Variants in UBL3 observed in about 807,000 individuals in gnomAD.
UBL3 encodes ubiquitin-like protein 3.
In UBL3, 6 loss-of-function variants were observed where a neutral mutation model predicts 18.4. The observed-to-expected ratio is 0.33, with a 90% CI of 0.18 to 0.64. The LOEUF is 0.64. Ranked by LOEUF, UBL3 falls within the 30% of genes least tolerant of loss-of-function variation. The probability of loss-of-function intolerance (pLI) is 0.76; values close to 1 mark genes in which losing one functional copy is unlikely to be tolerated. For synonymous variants in UBL3, 49 were observed against 46.6 expected (o/e 1.05, Z -0.21); for missense variants, 109 against 142.9 (o/e 0.76, Z 1.21).
chr13:29,780,803 G>A (rs1877134998), intron 1 of UBL3, among the ~76,000 whole-genome samples: 1 of 152,050 alleles, frequency 6.6e-6, no homozygotes, highest in Non-Finnish European at 1.5e-5. Flanking sequence ...CTCTCTTGCT[G>A]CCAAAATGTT....
intron 1 of UBL3, among the ~76,000 whole-genome samples, chr13:29,825,175 G>A (rs141646290): frequency 2.0e-4 from 31 of 152,292 alleles, no homozygotes; most frequent in Admixed American, 7.2e-4. Flanking sequence ...GCTTAGGATT[G>A]TCTTGGCAAT....
At chr13:29,780,367 A>AAAAAAAAAAAAATATAT (rs1359464345) in intron 1 of UBL3, among the ~76,000 whole-genome samples, 4 of 103,310 alleles carry the variant, frequency 3.9e-5, no homozygotes, top group African/African-American at 1.6e-4. Flanking sequence ...AAAAAAAAAA[A>AAAAAAAAAAAAATATAT]ATATATATAT....
intron 1 of UBL3, among the ~76,000 whole-genome samples, chr13:29,848,699 C>T (rs1187233016): frequency 6.6e-6 from 1 of 152,102 alleles, no homozygotes; most frequent in African/African-American, 2.4e-5. Flanking sequence ...AAGCCCAGCC[C>T]CAGCACTGTA....
intron 1 of UBL3, among the ~76,000 whole-genome samples, chr13:29,814,798 A>G (rs991472717): frequency 7.9e-5 from 12 of 152,190 alleles, no homozygotes; most frequent in African/African-American, 2.9e-4. Context: ...TATTTTTACC[A>G]GAATTAATTA....
rs551613128 is a variant in UBL3, at chr13:29,772,285, CAGTT to C, written c.137-91_137-88del. 1.8e-4 allele frequency: 209 copies of C among 1,139,214 alleles called. No individual in the cohort carries two copies. In the African/African-American group the frequency reaches 2.8e-3, roughly 15 times the overall value. 70.6% of individuals were successfully genotyped at this position (1,139,214 alleles called of 1,614,324 possible). A position where few individuals can be genotyped will look rare whatever the true frequency, so the allele number is the denominator to read the frequency against. ...TTGTTTTAAAAATTCAGATCCAAATCAGTTAGAGTACAAAGAAGGCCCTTGGAGC... is the reference window on the plus strand; with the variant it reads ...TTGTTTTAAAAATTCAGATCCAAATCAGAGTACAAAGAAGGCCCTTGGAGC... On this transcript the variant is annotated intron_variant, in intron 2 of 4. Coordinates refer to ENST00000380680, the MANE Select transcript of UBL3 (RefSeq NM_007106.4).
intron 1 of UBL3, among the ~76,000 whole-genome samples, chr13:29,817,175 G>A (rs1300433328): frequency 2.6e-5 from 4 of 152,124 alleles, no homozygotes; most frequent in Admixed American, 2.0e-4. Flanking sequence ...TCTTGTCTGC[G>A]ACATTTTATT....
chr13:29,806,765 A>G (rs969340513), intron 1 of UBL3, among the ~76,000 whole-genome samples: 3 of 152,142 alleles, frequency 2.0e-5, no homozygotes, highest in Non-Finnish European at 4.4e-5. Context: ...GGGATATTAT[A>G]ATGGCCATGG....
intron 1 of UBL3, among the ~76,000 whole-genome samples, chr13:29,842,490 ATC>A (rs750534360): frequency 1.3e-5 from 2 of 152,012 alleles, no homozygotes; most frequent in Non-Finnish European, 2.9e-5. Flanking sequence ...ACTTGGCAGG[ATC>A]TGGCATACGC....
At chr13:29,777,509 C>A (rs1165397323) in intron 1 of UBL3, 4 of 599,986 alleles carry the variant, frequency 6.7e-6, no homozygotes, top group African/African-American at 1.8e-5. Flanking sequence ...CAAAGGAAAA[C>A]CAAAATTCAT....
At chr13:29,793,768 T>C (rs1410421132) in intron 1 of UBL3, among the ~76,000 whole-genome samples, 3 of 152,196 alleles carry the variant, frequency 2.0e-5, no homozygotes, top group Non-Finnish European at 4.4e-5. Context: ...AAGATTTAAA[T>C]TAGTCTCTGG....
intron 1 of UBL3, among the ~76,000 whole-genome samples, chr13:29,827,530 T>C (rs1348409703): frequency 1.3e-5 from 2 of 152,242 alleles, no homozygotes; most frequent in Non-Finnish European, 2.9e-5. Flanking sequence ...TCTATTTGCT[T>C]GGCAGATCTT....
At chr13:29,828,748 G>A (rs564346529) in intron 1 of UBL3, among the ~76,000 whole-genome samples, 24 of 152,288 alleles carry the variant, frequency 1.6e-4, no homozygotes, top group Middle Eastern at 3.4e-3. Flanking sequence ...GGAAACAGGC[G>A]CTCTGATTTT....
rs539815852 is a variant in UBL3 at position 29,823,303 on chromosome 13, C to T, written c.27+26209G>A. Reference sequence around the variant, plus strand: ...GGTTACAGGCATGCGCCACCACGCCCGGCTAATTTTGTATTTTTAGAAGAG... The same window carrying T: ...GGTTACAGGCATGCGCCACCACGCCTGGCTAATTTTGTATTTTTAGAAGAG... On this transcript the variant is annotated intron_variant, in intron 1 of 4. Coordinates refer to ENST00000380680, the MANE Select transcript of UBL3 (RefSeq NM_007106.4). Among the ~76,000 whole-genome samples, 14 of 152,244 alleles carry T rather than the reference C, an allele frequency of 9.2e-5. 1 individual carries two copies. In the East Asian group the frequency reaches 2.3e-3, roughly 25 times the overall value.
intron 1 of UBL3, among the ~76,000 whole-genome samples, chr13:29,801,036 G>A (rs2139332615): frequency 6.6e-6 from 1 of 152,210 alleles, no homozygotes; most frequent in East Asian, 1.9e-4. Context: ...GCCCCTACCC[G>A]AACACCAGTG....
intron 1 of UBL3, among the ~76,000 whole-genome samples, chr13:29,846,292 A>G (rs181290149): frequency 2.0e-5 from 3 of 152,228 alleles, no homozygotes; most frequent in Admixed American, 2.0e-4. Context: ...AAACTCAATC[A>G]CTCTTAGCAA....
chr13:29,792,675 C>G (rs1424608731), intron 1 of UBL3, among the ~76,000 whole-genome samples: 5 of 152,184 alleles, frequency 3.3e-5, no homozygotes, highest in Admixed American at 3.3e-4. Flanking sequence ...CTTATTTATA[C>G]ATAGATGTCT....
At chr13:29,812,193 G>A (rs1047888109) in intron 1 of UBL3, among the ~76,000 whole-genome samples, 1 of 151,976 alleles carries the variant, frequency 6.6e-6, no homozygotes, top group African/African-American at 2.4e-5. Context: ...TATTCCCCAT[G>A]TAAACCTTCC....
At chr13:29,819,115 C>G (rs935137646) in intron 1 of UBL3, among the ~76,000 whole-genome samples, 2 of 152,148 alleles carry the variant, frequency 1.3e-5, no homozygotes, top group African/African-American at 4.8e-5. Flanking sequence ...GAGGTGACAA[C>G]TGTTGAAGCT....
intron 1 of UBL3, among the ~76,000 whole-genome samples, chr13:29,830,631 AT>A (rs960468844): frequency 1.1e-3 from 161 of 152,378 alleles, no homozygotes; most frequent in African/African-American, 3.8e-3. Flanking sequence ...TGTAATAGAA[AT>A]ATTCACCTTT....
Sources: allele counts gnomAD v4.1 joint callset (sites outside exome capture counted in the v4.1 genomes callset), GRCh38; gene constraint gnomAD v4.1.1; transcripts MANE v1.5; gene names NCBI Gene and HGNC (gene_info 2026-07-23, HGNC 2026-07-21).